The following ARHGEF9 variants were observed in gnomAD, a reference collection of about 807,000 sequenced individuals.
ARHGEF9 encodes rho guanine nucleotide exchange factor 9.
In ARHGEF9, 2 loss-of-function variants were observed where a neutral mutation model predicts 41.3. The ratio of observed to expected loss-of-function variants is 0.05; its 90% CI spans 0.02 to 0.15. The LOEUF is 0.15. ARHGEF9 is among the 10% of genes least tolerant of loss of function. ARHGEF9 has a pLI of 1.00. For missense variants in ARHGEF9, 225 were observed against 424.7 expected (o/e 0.53, Z 4.13); for synonymous variants, 160 against 154.4 (o/e 1.04, Z -0.27).
At chrX:63,745,539 T>C (rs1415259282) in intron 1 of ARHGEF9, among the ~76,000 whole-genome samples, 1 of 111,360 alleles carries the variant, frequency 9.0e-6, no homozygotes, top group Non-Finnish European at 1.9e-5. Context: ...CAGAAACCTA[T>C]AGGGGAGGTA....
intron 7 of ARHGEF9, among the ~76,000 whole-genome samples, chrX:63,659,951 A>C (rs1184334856): frequency 1.3e-4 from 15 of 111,915 alleles, no homozygotes. Context: ...TGGGAATGTA[A>C]ATTAGTACAG....
At chrX:63,713,729 CA>C (rs1556408389) in intron 2 of ARHGEF9, among the ~76,000 whole-genome samples, 4 of 109,658 alleles carry the variant, frequency 3.6e-5, no homozygotes, top group Non-Finnish European at 7.6e-5. Flanking sequence ...CACACACACA[CA>C]CACCCAGTTT....
intron 4 of ARHGEF9, among the ~76,000 whole-genome samples, chrX:63,693,434 A>G (rs1474108623): frequency 6.4e-5 from 7 of 109,791 alleles, no homozygotes; most frequent in Middle Eastern, 4.7e-3. Flanking sequence ...ATATGGTGAA[A>G]CCCCGTCTCT....
chrX:63,771,578 T>C (rs1261786727), intron 1 of ARHGEF9, among the ~76,000 whole-genome samples: 1 of 111,173 alleles, frequency 9.0e-6, no homozygotes, highest in African/African-American at 3.3e-5. Flanking sequence ...AAGAACTTTT[T>C]TTTTTTGAGA....
chrX:63,637,950 T>A lies in ARHGEF9; in HGVS notation c.*78A>T. The A allele has an allele frequency of 2.2e-6, 2 of 924,028 alleles. No homozygotes were observed. The highest frequency in any genetic ancestry group is 3.7e-5 in the East Asian group (1 of 26,889). 76.2% of individuals were successfully genotyped at this position (924,028 alleles called of 1,213,427 possible). A position where few individuals can be genotyped will look rare whatever the true frequency, so the allele number is the denominator to read the frequency against. ...TGTGTGTGTGTATAAATTTCAACAGTGCTTCTCCGAAAAAAGGTCCATCTA... is the reference window on the plus strand; with the variant it reads ...TGTGTGTGTGTATAAATTTCAACAGAGCTTCTCCGAAAAAAGGTCCATCTA... On this transcript the variant is annotated 3_prime_UTR_variant, in exon 10 of 10. Coordinates refer to ENST00000671741, the MANE Select transcript of ARHGEF9 (RefSeq NM_001353921.2).
chrX:63,640,429 G>A (rs2047551862), intron 9 of ARHGEF9: 1 of 111,477 alleles, frequency 9.0e-6, no homozygotes, highest in Admixed American at 9.5e-5. Context: ...TCTTTTTCGA[G>A]ATCATTTTTG....
intron 1 of ARHGEF9, among the ~76,000 whole-genome samples, chrX:63,743,118 G>T (rs1364890793): frequency 2.3e-4 from 26 of 111,562 alleles, no homozygotes; most frequent in African/African-American, 7.8e-4. Context: ...CAGGAGAATT[G>T]CTTGAACCTG....
chrX:63,776,132 T>A (rs1355137937), intron 1 of ARHGEF9, among the ~76,000 whole-genome samples: 1 of 110,762 alleles, frequency 9.0e-6, no homozygotes, highest in Non-Finnish European at 1.9e-5. Flanking sequence ...TTTTCCAAAA[T>A]CTTAAGCAAC....
At position 63,682,681 on chromosome X, in the gene ARHGEF9, C is replaced by T. The variant is rs142309522; in HGVS notation, c.583-4109G>A. On this transcript the variant is annotated intron_variant, in intron 4 of 9. Coordinates refer to ENST00000671741, the MANE Select transcript of ARHGEF9 (RefSeq NM_001353921.2). Reference sequence around the variant, plus strand: ...GGGATGCAAGTATGGCTTAACAAATCCAAATCAATTATTATGATACATTAC... The same window carrying T: ...GGGATGCAAGTATGGCTTAACAAATTCAAATCAATTATTATGATACATTAC... Among the ~76,000 whole-genome samples, 112 of 111,628 alleles carry T rather than the reference C, an allele frequency of 1.0e-3. 1 individual carries two copies. Among genetic ancestry groups the T allele is most frequent in the African/African-American group, 3.5e-3 (108 of 30,731 alleles).
intron 1 of ARHGEF9, among the ~76,000 whole-genome samples, chrX:63,766,714 T>G (rs2056118694): frequency 9.0e-6 from 1 of 111,463 alleles, no homozygotes; most frequent in African/African-American, 3.3e-5. Context: ...TGAGTGTCCC[T>G]CTCCTCCATG....
intron 4 of ARHGEF9, among the ~76,000 whole-genome samples, chrX:63,692,972 A>G (rs1195916117): frequency 8.9e-6 from 1 of 111,851 alleles, no homozygotes; most frequent in Non-Finnish European, 1.9e-5. Context: ...GACAAATATC[A>G]TATGTTTTCA....
chrX:63,742,484 T>C (rs1164021307), intron 1 of ARHGEF9, among the ~76,000 whole-genome samples: 2 of 111,765 alleles, frequency 1.8e-5, no homozygotes, highest in African/African-American at 3.3e-5. Context: ...CAGCAAGCTA[T>C]TGGTTGTCTC....
chrX:63,773,481 C>T (rs2056237239), intron 1 of ARHGEF9, among the ~76,000 whole-genome samples: 1 of 112,330 alleles, frequency 8.9e-6, no homozygotes, highest in Non-Finnish European at 1.9e-5. Flanking sequence ...ACTCCCCACA[C>T]AGATACAGAG....
rs1402463101 is a variant in ARHGEF9, at chrX:63,715,388, G to A, written c.211-8939C>T. ...CTAAGCAGAATGCTGAAATCAAGCT[G>A]ACCTGAGTTACCCATCTCACAGAAA... On this transcript the variant is annotated intron_variant, in intron 2 of 9. Coordinates refer to ENST00000671741, the MANE Select transcript of ARHGEF9 (RefSeq NM_001353921.2). Among the ~76,000 whole-genome samples, 10 of 110,814 alleles carry A rather than the reference G, an allele frequency of 9.0e-5. No individual in the cohort carries two copies. In the East Asian group the frequency reaches 2.8e-3, roughly 31 times the overall value.
At chrX:63,640,060 A>C (rs1184525652) in intron 9 of ARHGEF9, 2 of 111,920 alleles carry the variant, frequency 1.8e-5, no homozygotes, top group African/African-American at 6.5e-5. Flanking sequence ...CAGCAGGGTA[A>C]CAGTAGTTAA....
intron 1 of ARHGEF9, among the ~76,000 whole-genome samples, chrX:63,756,524 A>G (rs1284618655): frequency 8.9e-6 from 1 of 112,517 alleles, no homozygotes; most frequent in Non-Finnish European, 1.9e-5. Flanking sequence ...ACATGCTACA[A>G]CATAGATGAG....
intron 9 of ARHGEF9, among the ~76,000 whole-genome samples, chrX:63,638,881 G>A (rs1386032949): frequency 1.8e-5 from 2 of 112,093 alleles, no homozygotes; most frequent in Non-Finnish European, 3.8e-5. Flanking sequence ...GACGGAATAT[G>A]TGTGTGTCTT....
At chrX:63,666,380 AAG>A (rs782666128) in intron 6 of ARHGEF9, among the ~76,000 whole-genome samples, 3 of 91,466 alleles carry the variant, frequency 3.3e-5, no homozygotes, top group Admixed American at 1.2e-4. Flanking sequence ...TGTGTGGAGA[AAG>A]AGAGAGAGAG....
chrX:63,756,420 T>C (rs1360519672), intron 1 of ARHGEF9, among the ~76,000 whole-genome samples: 1 of 112,205 alleles, frequency 8.9e-6, no homozygotes, highest in Admixed American at 9.4e-5. Flanking sequence ...TGGAAACAAT[T>C]CAAATGTCCA....
Sources: gnomAD v4.1 joint callset for allele counts (sites outside exome capture counted in the v4.1 genomes callset) on GRCh38, gnomAD v4.1.1 for gene constraint, MANE v1.5 for transcripts, NCBI Gene and HGNC (gene_info 2026-07-23, HGNC 2026-07-21) for gene names.